The following UNC13C variants were observed in gnomAD, a reference collection of about 807,000 sequenced individuals.
The protein encoded by UNC13C is unc-13 homolog C.
UNC13C carries 174 observed loss-of-function variants against 245.4 expected under a neutral mutation model. The observed-to-expected ratio is 0.71, with a 90% CI of 0.63 to 0.80. The LOEUF (loss-of-function observed/expected upper bound fraction) is 0.80, where lower values mean the gene tolerates loss of function less well. Ranked by LOEUF, UNC13C falls within the 30% of genes least tolerant of loss-of-function variation. The probability of loss-of-function intolerance (pLI) is 0.00; values close to 1 mark genes in which losing one functional copy is unlikely to be tolerated. For synonymous variants in UNC13C, 992 were observed against 895.1 expected, an observed-to-expected ratio of 1.11 and a Z score of -1.93; for missense variants, 2,829 against 2,602.9, an observed-to-expected ratio of 1.09 and a Z score of -1.89.
chr15:54,144,438 A>G (rs1371396458), intron 4 of UNC13C, among the ~76,000 whole-genome samples: 2 of 152,136 alleles, frequency 1.3e-5, no homozygotes, highest in African/African-American at 4.8e-5. Flanking sequence ...TCCTATACAT[A>G]ATGACTCACT....
At chr15:54,517,491 A>G (rs911232720) in intron 24 of UNC13C, among the ~76,000 whole-genome samples, 1 of 152,164 alleles carries the variant, frequency 6.6e-6, no homozygotes, top group Non-Finnish European at 1.5e-5. Context: ...TTGGTAAAAC[A>G]TAATTAGACT....
At chr15:53,898,084 G>A in the UNC13C span, among the ~76,000 whole-genome samples, 1 of 152,038 alleles carries the variant, frequency 6.6e-6, no homozygotes, top group Non-Finnish European at 1.5e-5. Flanking sequence ...CCAGCTGTGA[G>A]ACCCATGCTG....
intron 2 of UNC13C, among the ~76,000 whole-genome samples, chr15:54,054,807 T>C (rs1300943117): frequency 6.8e-6 from 1 of 147,884 alleles, no homozygotes; most frequent in Non-Finnish European, 1.5e-5. Context: ...ATTTTTTGTT[T>C]TTATTTTTTT....
At chr15:54,232,538 A>C (rs1172270235) in intron 4 of UNC13C, among the ~76,000 whole-genome samples, 1 of 152,150 alleles carries the variant, frequency 6.6e-6, no homozygotes, top group African/African-American at 2.4e-5. Flanking sequence ...ATTAAGTTTC[A>C]TGGAAAGGAA....
chr15:54,509,093 G>A (rs919398616), intron 23 of UNC13C, among the ~76,000 whole-genome samples: 13 of 152,116 alleles, frequency 8.5e-5, no homozygotes, highest in Non-Finnish European at 1.8e-4. Flanking sequence ...AAGCTACTTG[G>A]GAGGCTGAGG....
At chr15:53,956,187 G>A in the UNC13C span, among the ~76,000 whole-genome samples, 24 of 152,236 alleles carry the variant, frequency 1.6e-4, no homozygotes, top group Middle Eastern at 0.01. Flanking sequence ...AAGGGAGGAG[G>A]AGAGGGGCAA....
chr15:54,454,958 C>T (rs1891394915), intron 19 of UNC13C, among the ~76,000 whole-genome samples: 1 of 151,412 alleles, frequency 6.6e-6, no homozygotes, highest in African/African-American at 2.4e-5. Flanking sequence ...GTCTTTTATC[C>T]CTTACCACCC....
intron 4 of UNC13C, among the ~76,000 whole-genome samples, chr15:54,228,043 C>CT (rs2035443028): frequency 6.6e-6 from 1 of 152,178 alleles, no homozygotes; most frequent in South Asian, 2.1e-4. Context: ...TCTCCTGCAG[C>CT]TGAGCTGGTA....
At chr15:53,851,885 C>T in the UNC13C span, among the ~76,000 whole-genome samples, 3 of 152,330 alleles carry the variant, frequency 2.0e-5, no homozygotes, top group South Asian at 6.2e-4. Flanking sequence ...AAGCTCTGTA[C>T]ACCTTCCCCT....
At chr15:53,905,133 G>A in the UNC13C span, among the ~76,000 whole-genome samples, 7 of 151,894 alleles carry the variant, frequency 4.6e-5, 1 homozygote, top group Middle Eastern at 6.4e-3. Context: ...TAACTATCAC[G>A]GAAAACAGTA....
intron 19 of UNC13C, among the ~76,000 whole-genome samples, chr15:54,442,940 G>A (rs536100613): frequency 6.6e-6 from 1 of 152,108 alleles, no homozygotes; most frequent in African/African-American, 2.4e-5. Flanking sequence ...AGAATTCACT[G>A]GAAATAATTT....
chr15:54,451,323 A>G (rs1327870937), intron 19 of UNC13C, among the ~76,000 whole-genome samples: 3 of 152,100 alleles, frequency 2.0e-5, no homozygotes, highest in South Asian at 2.1e-4. Flanking sequence ...TGAATATAAC[A>G]TCTATGTAAG....
the UNC13C span, among the ~76,000 whole-genome samples, chr15:53,937,461 T>TTAGGATTTCATACAGTAGAACTTCCCA: frequency 3.3e-5 from 5 of 152,174 alleles, no homozygotes; most frequent in African/African-American, 1.2e-4. Context: ...AAATCATACT[T>TTAGGATTTCATACAGTAGAACTTCCCA]TAGGATTTCA....
At chr15:53,862,212 C>T in the UNC13C span, among the ~76,000 whole-genome samples, 1 of 152,064 alleles carries the variant, frequency 6.6e-6, no homozygotes, top group African/African-American at 2.4e-5. Context: ...GGTCCAGCTG[C>T]TTGTTCTCGT....
the UNC13C span, among the ~76,000 whole-genome samples, chr15:53,934,484 A>T: frequency 6.6e-6 from 1 of 152,186 alleles, no homozygotes; most frequent in South Asian, 2.1e-4. Context: ...ATCTATGTTT[A>T]TCTGAAAATC....
rs764281925 is a variant in UNC13C at position 54,532,959 on chromosome 15, C to T, written c.5589C>T (p.Phe1863=). The part of the protein sequence containing the change: ...IIEECIKQMS[F]ELNQMRANGN... ...AAGAGTGTATAAAACAGATGAGTTT[C>T]GAACTAAATCAAATGAGAGCAAATG... Residue 1863 remains phenylalanine (F), a synonymous_variant, in exon 26 of 33, where the codon TTC becomes TTT. Transcript: ENST00000260323. 5.5e-5 allele frequency: 88 copies of T among 1,588,806 alleles called. 1 individual carries two copies. Among genetic ancestry groups the T allele is most frequent in the South Asian group, 5.0e-4 (44 of 88,300 alleles).
intron 30 of UNC13C, among the ~76,000 whole-genome samples, chr15:54,584,033 TGTAA>T (rs1284774657): frequency 1.3e-5 from 2 of 152,268 alleles, no homozygotes; most frequent in Admixed American, 6.5e-5. Context: ...CTCTGGGATG[TGTAA>T]GTAAGAGATT....
At chr15:54,078,987 A>G (rs1207963240) in intron 2 of UNC13C, among the ~76,000 whole-genome samples, 1 of 152,108 alleles carries the variant, frequency 6.6e-6, no homozygotes, top group African/African-American at 2.4e-5. Context: ...TAATTTTTGT[A>G]TATGGCGAGA....
At chr15:54,281,622 A>G (rs191904015) in intron 10 of UNC13C, among the ~76,000 whole-genome samples, 202 of 152,314 alleles carry the variant, frequency 1.3e-3, no homozygotes, top group Non-Finnish European at 2.3e-3. Flanking sequence ...TACGAAGTTG[A>G]AAAGAATGCA....
Sources: gnomAD v4.1 joint callset for allele counts (sites outside exome capture counted in the v4.1 genomes callset) on GRCh38, gnomAD v4.1.1 for gene constraint, MANE v1.5 for transcripts, NCBI Gene and HGNC (gene_info 2026-07-23, HGNC 2026-07-21) for gene names.